Variants in CMSS1 observed in about 807,000 individuals in gnomAD.
CMSS1 encodes protein CMSS1.
CMSS1 carries 33 observed loss-of-function variants against 43.5 expected under a neutral mutation model. The observed-to-expected ratio is 0.76, with a 90% confidence interval of 0.57 to 1.01. The LOEUF (loss-of-function observed/expected upper bound fraction) is 1.01. Among genes scored for constraint, CMSS1 ranks in the 50% least tolerant of loss-of-function variants. CMSS1 has a pLI of 0.00. For synonymous variants in CMSS1, 115 were observed against 117.2 expected (o/e 0.98, Z 0.12); for missense variants, 313 against 326.4 (o/e 0.96, Z 0.32).
In CMSS1 at chr3:99,893,162, CTTT is replaced by C. The variant is rs1200176411; in HGVS notation, c.64+75138_64+75140del. Reference sequence around the variant, plus strand: ...TCCAGTAACAAAATTGGCATCTAGACTTTTTTTTTTTTTTTTTTTTTGAGATAG... The same window carrying C: ...TCCAGTAACAAAATTGGCATCTAGACTTTTTTTTTTTTTTTTTTGAGATAG... On this transcript the variant is annotated intron_variant, in intron 1 of 9. Transcript: ENST00000421999. 5.0e-3 allele frequency among the ~76,000 whole-genome samples: 536 copies of C among 107,604 alleles called. 6 individuals carry two copies. The highest frequency in any genetic ancestry group is 0.018 in the African/African-American group (525 of 29,352). The allele number at this position is 107,604 out of a possible 152,430, so 70.6% of individuals were successfully genotyped here. A position where few individuals can be genotyped will look rare whatever the true frequency, so the allele number is the denominator to read the frequency against.
chr3:100,163,666 T>C (rs2067044330), intron 4 of CMSS1, among the ~76,000 whole-genome samples: 1 of 152,130 alleles, frequency 6.6e-6, no homozygotes, highest in Non-Finnish European at 1.5e-5. Context: ...GCCTCCCGAG[T>C]AGCTGGGAAT....
rs1306152795 is a variant in CMSS1, at chr3:99,983,399, T to A, written c.65-163574T>A. On this transcript the variant is annotated intron_variant, in intron 1 of 9. Transcript: ENST00000421999. ...AAAAATAAATAAATAAATATATATA[T>A]ATATATATATATATATATATGTATG... is the stretch of plus-strand genomic sequence containing the variant. Among the ~76,000 whole-genome samples the A allele has an allele frequency of 1.2e-3, 126 of 109,322 alleles. 1 individual carries two copies. The highest frequency in any genetic ancestry group is 4.8e-3 in the African/African-American group (123 of 25,746). The allele number at this position is 109,322 out of a possible 152,430, so 71.7% of individuals were successfully genotyped here. A position where few individuals can be genotyped will look rare whatever the true frequency, so the allele number is the denominator to read the frequency against.
intron 1 of CMSS1, among the ~76,000 whole-genome samples, chr3:100,084,704 T>C (rs1259233168): frequency 6.6e-6 from 1 of 152,210 alleles, no homozygotes; most frequent in African/African-American, 2.4e-5. Flanking sequence ...GATATGGATA[T>C]TACAGATCAA....
chr3:100,012,179 A>G (rs1412471487), intron 1 of CMSS1, among the ~76,000 whole-genome samples: 1 of 152,198 alleles, frequency 6.6e-6, no homozygotes, highest in Non-Finnish European at 1.5e-5. Context: ...TAATGTCTAT[A>G]TCTGTCTTTT....
chr3:100,093,131 T>G (rs959433383), intron 1 of CMSS1, among the ~76,000 whole-genome samples: 2 of 152,114 alleles, frequency 1.3e-5, no homozygotes, highest in Non-Finnish European at 2.9e-5. Context: ...ATTTTAAACA[T>G]ACTCTATGCA....
At chr3:99,903,583 G>T (rs1208514439) in intron 1 of CMSS1, among the ~76,000 whole-genome samples, 1 of 152,058 alleles carries the variant, frequency 6.6e-6, no homozygotes, top group Non-Finnish European at 1.5e-5. Flanking sequence ...TTCCATATGG[G>T]TTAGGTGGAC....
chr3:100,024,558 T>C (rs975120144), intron 1 of CMSS1, among the ~76,000 whole-genome samples: 3 of 152,160 alleles, frequency 2.0e-5, no homozygotes, highest in African/African-American at 7.2e-5. Context: ...TGGTTATATT[T>C]CACCAGTTTA....
chr3:99,970,892 G>A (rs1338698838), intron 1 of CMSS1, among the ~76,000 whole-genome samples: 1 of 152,260 alleles, frequency 6.6e-6, no homozygotes, highest in Non-Finnish European at 1.5e-5. Context: ...AAGGGAAAAA[G>A]ACTAGAGGTG....
At chr3:99,899,934 A>G (rs1019384620) in intron 1 of CMSS1, among the ~76,000 whole-genome samples, 1 of 152,228 alleles carries the variant, frequency 6.6e-6, no homozygotes, top group African/African-American at 2.4e-5. Flanking sequence ...TGTTACTAGT[A>G]CATTCCTAAG....
intron 1 of CMSS1, among the ~76,000 whole-genome samples, chr3:99,839,313 C>T (rs1033547496): frequency 2.0e-5 from 3 of 152,166 alleles, no homozygotes; most frequent in South Asian, 2.1e-4. Flanking sequence ...TGCATAGCTG[C>T]CTGGCACAAT....
At chr3:99,941,997 C>T (rs1414441581) in intron 1 of CMSS1, among the ~76,000 whole-genome samples, 1 of 152,068 alleles carries the variant, frequency 6.6e-6, no homozygotes, top group Non-Finnish European at 1.5e-5. Context: ...TAAGAATTTA[C>T]TGTTTTCAGG....
At chr3:100,073,903 A>C (rs1214210383) in intron 1 of CMSS1, among the ~76,000 whole-genome samples, 4 of 152,000 alleles carry the variant, frequency 2.6e-5, no homozygotes, top group Admixed American at 6.5e-5. Context: ...CTTCCCTTTG[A>C]TTGCCCACTG....
At chr3:99,835,383 C>A (rs1942855593) in intron 1 of CMSS1, among the ~76,000 whole-genome samples, 1 of 152,194 alleles carries the variant, frequency 6.6e-6, no homozygotes, top group African/African-American at 2.4e-5. Context: ...TCTTTTAGAT[C>A]ACCTGTAAAG....
At chr3:99,969,184 A>T (rs551163224) in intron 1 of CMSS1, among the ~76,000 whole-genome samples, 1 of 152,286 alleles carries the variant, frequency 6.6e-6, no homozygotes, top group South Asian at 2.1e-4. Context: ...GAAAGTGCAC[A>T]AGGACAGGTC....
chr3:99,912,560 T>G (rs1167316878), intron 1 of CMSS1, among the ~76,000 whole-genome samples: 12 of 152,158 alleles, frequency 7.9e-5, no homozygotes, highest in Admixed American at 7.9e-4. Context: ...GTATTTTTTG[T>G]AGAGATGAAG....
At chr3:99,986,818 C>T (rs886360771) in intron 1 of CMSS1, among the ~76,000 whole-genome samples, 9 of 152,106 alleles carry the variant, frequency 5.9e-5, no homozygotes, top group Non-Finnish European at 1.2e-4. Context: ...TAAATGTCTG[C>T]AGTACAGAGG....
At chr3:100,058,397 A>T (rs899422076) in intron 1 of CMSS1, among the ~76,000 whole-genome samples, 1 of 152,224 alleles carries the variant, frequency 6.6e-6, no homozygotes, top group African/African-American at 2.4e-5. Flanking sequence ...GTAAAATGAG[A>T]TCACCTCTGA....
rs144908071 is a variant in CMSS1, at chr3:100,017,741, A to G, written c.65-129232A>G. 4.2e-3 allele frequency among the ~76,000 whole-genome samples: 631 copies of G among 151,898 alleles called. 8 individuals carry two copies. Among genetic ancestry groups the G allele is most frequent in the African/African-American group, 0.015 (603 of 41,406 alleles). On this transcript the variant is annotated intron_variant, in intron 1 of 9. Coordinates refer to ENST00000421999, the MANE Select transcript of CMSS1 (RefSeq NM_032359.4). ...GGAGTTCAAAACCAGCCGAGGCAACAAAGTGAGACACTGTCTCTAAAAATA... is the reference window on the plus strand; with the variant it reads ...GGAGTTCAAAACCAGCCGAGGCAACGAAGTGAGACACTGTCTCTAAAAATA...
intron 1 of CMSS1, among the ~76,000 whole-genome samples, chr3:99,859,062 A>G (rs960242041): frequency 6.6e-6 from 1 of 152,230 alleles, no homozygotes; most frequent in African/African-American, 2.4e-5. Flanking sequence ...AAAGTCCTAA[A>G]TGACAAAACT....
Sources: gnomAD v4.1 joint callset for allele counts (sites outside exome capture counted in the v4.1 genomes callset) on GRCh38, gnomAD v4.1.1 for gene constraint, MANE v1.5 for transcripts, NCBI Gene and HGNC (gene_info 2026-07-23, HGNC 2026-07-21) for gene names.